Variants in TENM3 observed in about 807,000 individuals in gnomAD.
TENM3 encodes the protein teneurin-3.
TENM3 carries 63 observed loss-of-function variants against 255.1 expected under a neutral mutation model. That is an observed-to-expected ratio of 0.25 (90% CI 0.20 to 0.30). TENM3 has a LOEUF of 0.30. TENM3 is among the 10% of genes least tolerant of loss of function. The pLI is 1.00. For missense variants in TENM3, 2,929 were observed against 3,461.1 expected, an observed-to-expected ratio of 0.85 and a Z score of 3.86; for synonymous variants, 1,306 against 1,322.3, an observed-to-expected ratio of 0.99 and a Z score of 0.27.
At chr4:182,073,204 G>A in the TENM3 span, among the ~76,000 whole-genome samples, 2 of 152,204 alleles carry the variant, frequency 1.3e-5, no homozygotes, top group African/African-American at 4.8e-5. Flanking sequence ...GTGAGTGCAA[G>A]CAAGCAGGGG....
chr4:182,154,268 C>A (rs1415062631), intron 1 of TENM3, among the ~76,000 whole-genome samples: 12 of 151,442 alleles, frequency 7.9e-5, no homozygotes, highest in Admixed American at 6.6e-4. Context: ...TTTAGGCCCT[C>A]GTTATTACTT....
intron 13 of TENM3, among the ~76,000 whole-genome samples, chr4:182,716,680 A>G (rs1400455524): frequency 6.6e-6 from 1 of 152,166 alleles, no homozygotes; most frequent in Non-Finnish European, 1.5e-5. Context: ...CCAAATCAAA[A>G]CACGAAAGAT....
At chr4:181,570,554 G>A in the TENM3 span, among the ~76,000 whole-genome samples, 1 of 146,414 alleles carries the variant, frequency 6.8e-6, no homozygotes. Flanking sequence ...AGAAAAGAGA[G>A]AGAGAAAAAA....
At chr4:181,705,882 C>G in the TENM3 span, among the ~76,000 whole-genome samples, 1 of 152,174 alleles carries the variant, frequency 6.6e-6, no homozygotes, top group Non-Finnish European at 1.5e-5. Context: ...TAACCCTACA[C>G]TATCGTGTAC....
At chr4:182,511,283 T>C (rs1381874797) in intron 3 of TENM3, among the ~76,000 whole-genome samples, 3 of 152,200 alleles carry the variant, frequency 2.0e-5, no homozygotes, top group Admixed American at 6.5e-5. Flanking sequence ...TTAATAAAAA[T>C]AAACGTGTTT....
At chr4:181,841,138 C>T in the TENM3 span, among the ~76,000 whole-genome samples, 1 of 152,014 alleles carries the variant, frequency 6.6e-6, no homozygotes, top group Non-Finnish European at 1.5e-5. Context: ...TGTATAGGGT[C>T]TTAAATCTAT....
intron 19 of TENM3, among the ~76,000 whole-genome samples, chr4:182,748,507 A>C (rs868798105): frequency 2.6e-5 from 4 of 152,206 alleles, no homozygotes; most frequent in African/African-American, 4.8e-5. Flanking sequence ...GAAAGCAAGC[A>C]CGAGCTCACA....
chr4:181,719,017 T>C, the TENM3 span, among the ~76,000 whole-genome samples: 1 of 151,538 alleles, frequency 6.6e-6, no homozygotes, highest in Admixed American at 6.6e-5. Flanking sequence ...CCATCCTGGC[T>C]AACAAGGTGA....
At chr4:181,699,442 CAAAAAAAAAA>C in the TENM3 span, among the ~76,000 whole-genome samples, 340 of 44,080 alleles carry the variant, frequency 7.7e-3, 1 homozygote, top group Middle Eastern at 0.11. Flanking sequence ...GACCCTGTCG[CAAAAAAAAAA>C]AAAAAAAAAA....
At chr4:182,059,745 C>CAAAAAAAAAAAAAA in the TENM3 span, among the ~76,000 whole-genome samples, 21 of 42,962 alleles carry the variant, frequency 4.9e-4, no homozygotes, top group African/African-American at 1.6e-3. Context: ...TCTGTCTCTA[C>CAAAAAAAAAAAAAA]AAAAAAAAAA....
chr4:182,228,598 G>A (rs1451864570), intron 1 of TENM3, among the ~76,000 whole-genome samples: 1 of 151,932 alleles, frequency 6.6e-6, no homozygotes, highest in African/African-American at 2.4e-5. Flanking sequence ...CTGCTAATTG[G>A]TGTCTTACAT....
At chr4:181,931,110 C>A in the TENM3 span, among the ~76,000 whole-genome samples, 1 of 152,150 alleles carries the variant, frequency 6.6e-6, no homozygotes, top group African/African-American at 2.4e-5. Context: ...CAGCACAAGA[C>A]AAGAATGCCC....
At chr4:182,654,481 A>G (rs751936957) in intron 6 of TENM3, among the ~76,000 whole-genome samples, 2 of 152,226 alleles carry the variant, frequency 1.3e-5, no homozygotes, top group African/African-American at 2.4e-5. Context: ...GCGTATACAT[A>G]CATATGTACA....
At chr4:181,765,265 G>GTAT in the TENM3 span, among the ~76,000 whole-genome samples, 1 of 152,070 alleles carries the variant, frequency 6.6e-6, no homozygotes, top group Non-Finnish European at 1.5e-5. Context: ...TGTTTATTAT[G>GTAT]TATTATGTGT....
intron 2 of TENM3, among the ~76,000 whole-genome samples, chr4:182,332,555 G>T: frequency 6.6e-6 from 1 of 152,048 alleles, no homozygotes; most frequent in Non-Finnish European, 1.5e-5. Flanking sequence ...CTAGCTGGGC[G>T]TGGTGGTGGG....
At chr4:182,657,105 G>GTTCTATACTCAAATC (rs1319237135) in intron 6 of TENM3, among the ~76,000 whole-genome samples, 1 of 152,180 alleles carries the variant, frequency 6.6e-6, no homozygotes, top group Non-Finnish European at 1.5e-5. Context: ...GAATCACACA[G>GTTCTATACTCAAATC]TTCTATACTC....
At chr4:182,596,645 G>A (rs569631610) in intron 3 of TENM3, among the ~76,000 whole-genome samples, 22 of 152,306 alleles carry the variant, frequency 1.4e-4, no homozygotes, top group African/African-American at 5.1e-4. Flanking sequence ...TACAGCAAGC[G>A]TGGCTAGAGC....
intron 3 of TENM3, among the ~76,000 whole-genome samples, chr4:182,589,438 G>C (rs1746371299): frequency 7.4e-6 from 1 of 135,854 alleles, no homozygotes. Flanking sequence ...CTAATTCTTA[G>C]GTTTTTAATT....
chr4:182,028,708 G>A, the TENM3 span, among the ~76,000 whole-genome samples: 1 of 151,998 alleles, frequency 6.6e-6, no homozygotes. Context: ...TGACCCACTG[G>A]TCATTCAGGA....
Sources: allele counts gnomAD v4.1 joint callset (sites outside exome capture counted in the v4.1 genomes callset), GRCh38; gene constraint gnomAD v4.1.1; transcripts MANE v1.5; gene names NCBI Gene and HGNC (gene_info 2026-07-23, HGNC 2026-07-21).